LONP1: variants seen among roughly 807,000 people sequenced by gnomAD.
The protein encoded by LONP1 is lon protease homolog, mitochondrial.
A neutral mutation model predicts 98.5 loss-of-function variants in LONP1; 31 were observed. The observed-to-expected ratio is 0.31, with a 90% CI of 0.24 to 0.42. The LOEUF (loss-of-function observed/expected upper bound fraction) is 0.42. Among genes scored for constraint, LONP1 ranks in the 20% least tolerant of loss-of-function variants. LONP1 has a pLI of 1.00. For missense variants in LONP1, 1,336 were observed against 1,350.6 expected, an observed-to-expected ratio of 0.99 and a Z score of 0.17; for synonymous variants, 781 against 594.7, an observed-to-expected ratio of 1.31 and a Z score of -4.56.
chr19:5,705,484 C>T (rs1372550970), intron 8 of LONP1, among the ~76,000 whole-genome samples: 2 of 151,624 alleles, frequency 1.3e-5, no homozygotes, highest in Admixed American at 6.6e-5. Flanking sequence ...AAAAGCAGCC[C>T]TGGCTTAGAG....
chr19:5,699,512 C>T (rs1043816073), intron 9 of LONP1, among the ~76,000 whole-genome samples: 7 of 151,606 alleles, frequency 4.6e-5, no homozygotes, highest in African/African-American at 1.7e-4. Context: ...CCACTCTCTC[C>T]GGTCCAACCC....
At chr19:5,715,419 A>G (rs1244675654) in intron 1 of LONP1, among the ~76,000 whole-genome samples, 6 of 150,000 alleles carry the variant, frequency 4.0e-5, no homozygotes, top group Non-Finnish European at 7.4e-5. Context: ...CGAGGCGGGC[A>G]GATCACAAGG....
rs140957391 is a variant in LONP1 at position 5,696,057 on chromosome 19, C to A, written c.2010G>T (p.Ala670=). Residue 670 remains alanine (A), a synonymous_variant, in exon 13 of 18, where the codon GCG becomes GCT. Transcript: ENST00000360614. ...GYVAQEKLAI[A]ERYLVPQARA... is the part of the protein sequence containing the mutation. ...AGTGGGGAGGGGCTGGGCTTACCTC[C>A]GCAATGGCCAGCTTCTCCTGGGCCA... 1.9e-6 allele frequency: 3 copies of A among 1,611,906 alleles called. No homozygotes were observed. Among genetic ancestry groups the A allele is most frequent in the Admixed American group, 3.3e-5 (2 of 59,936 alleles).
At position 5,692,006 on chromosome 19, in the gene LONP1, C is replaced by CAGTTCTGGCCCAGACA. The variant is rs71172756; in HGVS notation, c.*25_*26insTGTCTGGGCCAGAACT. 1.9e-6 allele frequency: 3 copies of CAGTTCTGGCCCAGACA among 1,597,396 alleles called. No individual in the cohort carries two copies. Among genetic ancestry groups the CAGTTCTGGCCCAGACA allele is most frequent in the Non-Finnish European group, 2.6e-6 (3 of 1,170,738 alleles). On this transcript the variant is annotated 3_prime_UTR_variant, in exon 18 of 18. Coordinates refer to ENST00000360614, the MANE Select transcript of LONP1 (RefSeq NM_004793.4). ...TCTGGCCCAGACAGGGCCTGACATC[C>CAGTTCTGGCCCAGACA]GCCGCCTGCAGTCCCGGGGTGGCCG...
At chr19:5,700,271 G>A (rs1014877448) in intron 9 of LONP1, among the ~76,000 whole-genome samples, 6 of 152,034 alleles carry the variant, frequency 3.9e-5, no homozygotes, top group Admixed American at 6.6e-5. Context: ...GCGCCACCAC[G>A]CCTAACTAAT....
In LONP1 at chr19:5,707,725, T is replaced by C; in HGVS notation, c.1034A>G (p.Glu345Gly). The change falls in exon 6 of 18, where the codon GAG (glutamate) becomes GGG (glycine). Residue 345 changes from glutamate to glycine, a missense_variant. Physicochemically the swap from Glu to Gly is moderately conservative, Grantham distance 98. Around this residue, in one of 5 missense-constraint regions of LONP1, gnomAD observed 97 missense variants for 139.0 expected, o/e 0.70. Transcript: ENST00000360614. Reference protein sequence around the residue: ...GAALTGAESHELQDVLEETNI... With the variant: ...GAALTGAESHGLQDVLEETNI... ...GGTCTCTTCCAGGACGTCCTGCAGC[T>C]CATGGGACTCGGCCCCGGTGAGCGC... 1 of 1,613,226 alleles carries C rather than the reference T, an allele frequency of 6.2e-7. No individual in the cohort carries two copies. Among genetic ancestry groups the C allele is most frequent in the Non-Finnish European group, 8.5e-7 (1 of 1,179,804 alleles).
rs542046157 is a variant in LONP1 at position 5,697,749 on chromosome 19, C to T, written c.1686-992G>A. Among the ~76,000 whole-genome samples, 6 of 146,720 alleles carry T rather than the reference C, an allele frequency of 4.1e-5. No homozygotes were observed. In the South Asian group the frequency reaches 6.7e-4, roughly 16 times the overall value. On this transcript the variant is annotated intron_variant, in intron 10 of 17. Transcript: ENST00000360614. ...CGATCCATCGCCCCGCAGCCAGTCT[C>T]CTGTCCTTGTCCTTGTCTCAGGAAC...
At chr19:5,707,583 G>A (rs561018536) in intron 6 of LONP1, 114 bp downstream of exon 6, 6 of 1,146,108 alleles carry the variant, frequency 5.2e-6, no homozygotes, top group East Asian at 2.4e-5. Context: ...GAGGGACAAG[G>A]GCAGCCAGGC....
chr19:5,719,779 G>A lies in LONP1; in HGVS notation c.354C>T (p.Pro118=), dbSNP rs758088013. 3 of 1,613,234 alleles carry A rather than the reference G, an allele frequency of 1.9e-6. No individual in the cohort carries two copies. The highest frequency in any genetic ancestry group is 2.5e-6 in the Non-Finnish European group (3 of 1,180,002). ...VITALTPMTI[P]DVFPHLPLIA... ...TGAGCGGCAGGTGCGGAAACACATCGGGGATCGTCATGGGCGTGAGCGCCG... is the reference window on the plus strand; with the variant it reads ...TGAGCGGCAGGTGCGGAAACACATCAGGGATCGTCATGGGCGTGAGCGCCG... Residue 118 remains proline, a synonymous_variant, in exon 1 of 18, where the codon CCC becomes CCT. Coordinates refer to ENST00000360614, the MANE Select transcript of LONP1 (RefSeq NM_004793.4).
At chr19:5,703,948 G>A (rs539503513) in intron 8 of LONP1, among the ~76,000 whole-genome samples, 1 of 152,308 alleles carries the variant, frequency 6.6e-6, no homozygotes, top group Non-Finnish European at 1.5e-5. Flanking sequence ...TGAGGCACTC[G>A]CTGGGAGACA....
At chr19:5,695,860 C>G (rs1338025436) in intron 13 of LONP1, among the ~76,000 whole-genome samples, 194 bp downstream of exon 13, 1 of 152,174 alleles carries the variant, frequency 6.6e-6, no homozygotes, top group Non-Finnish European at 1.5e-5. Flanking sequence ...GGCCCTAAAC[C>G]CTGCGCCCAC....
At chr19:5,717,343 G>C (rs1443997227) in intron 1 of LONP1, 2 of 152,202 alleles carry the variant, frequency 1.3e-5, no homozygotes, top group African/African-American at 2.4e-5. Flanking sequence ...ACAGCTGATA[G>C]CTGCATCCTT....
intron 8 of LONP1, among the ~76,000 whole-genome samples, chr19:5,705,389 C>T (rs867403438): frequency 1.4e-4 from 20 of 145,114 alleles, no homozygotes; most frequent in Middle Eastern, 3.8e-3. Context: ...ACCCGCAAAG[C>T]GGAAGTTGCA....
chr19:5,719,021 A>C (rs2055375873), intron 1 of LONP1, among the ~76,000 whole-genome samples: 1 of 152,152 alleles, frequency 6.6e-6, no homozygotes, highest in Admixed American at 6.6e-5. Flanking sequence ...TATCGTTACT[A>C]AACATCTTTA....
At chr19:5,714,760 G>A (rs568708317) in intron 1 of LONP1, 12 of 152,112 alleles carry the variant, frequency 7.9e-5, no homozygotes, top group African/African-American at 2.9e-4. Context: ...TGGGATTACA[G>A]GCGCCCGCCA....
rs2055170096 is a variant in LONP1, at chr19:5,707,703, C to G, written c.1056G>C (p.Glu352Asp). ...ESHELQDVLE[E>D]TNIPKRLYKA... Reference sequence around the variant, plus strand: ...GGAGGTGACGAGCACTCACATTGGTCTCTTCCAGGACGTCCTGCAGCTCAT... The same window carrying G: ...GGAGGTGACGAGCACTCACATTGGTGTCTTCCAGGACGTCCTGCAGCTCAT... Residue 352 changes from glutamate to aspartate, a missense_variant, in exon 6 of 18, where the codon GAG becomes GAC. Glu to Asp is a conservative substitution (Grantham distance 45). Coordinates refer to ENST00000360614, the MANE Select transcript of LONP1 (RefSeq NM_004793.4). 2 of 1,609,924 alleles carry G rather than the reference C, an allele frequency of 1.2e-6. No individual in the cohort carries two copies. Among genetic ancestry groups the G allele is most frequent in the African/African-American group, 2.7e-5 (2 of 74,846 alleles).
intron 8 of LONP1, among the ~76,000 whole-genome samples, chr19:5,701,305 C>T (rs916865761): frequency 6.8e-6 from 1 of 147,934 alleles, no homozygotes; most frequent in African/African-American, 2.5e-5. Context: ...ATGCTTCTGC[C>T]TCTGCCTCTG....
intron 1 of LONP1, 97 bp downstream of exon 1, chr19:5,719,607 A>G: frequency 1.3e-6 from 2 of 1,586,754 alleles, no homozygotes; most frequent in Non-Finnish European, 1.7e-6. Flanking sequence ...CATGTCTGAA[A>G]AAGTTGCGAA....
intron 17 of LONP1, among the ~76,000 whole-genome samples, chr19:5,693,066 C>A: frequency 6.6e-6 from 1 of 152,222 alleles, no homozygotes; most frequent in Admixed American, 6.5e-5. Flanking sequence ...GCCACCCCCC[C>A]AATCCTACTG....
Sources: allele counts gnomAD v4.1 joint callset (sites outside exome capture counted in the v4.1 genomes callset), GRCh38; gene constraint gnomAD v4.1.1; regional missense constraint gnomAD v4.1.1; transcripts MANE v1.5; gene names NCBI Gene and HGNC (gene_info 2026-07-23, HGNC 2026-07-21).